The following ZDHHC17 variants were observed in gnomAD, a reference collection of about 807,000 sequenced individuals.
The protein encoded by ZDHHC17 is zDHHC palmitoyltransferase 17.
In ZDHHC17, 40 loss-of-function variants were observed where a neutral mutation model predicts 90.3. The observed-to-expected ratio is 0.44, with a 90% CI of 0.34 to 0.58. ZDHHC17 has a LOEUF of 0.58. Among genes scored for constraint, ZDHHC17 ranks in the 20% least tolerant of loss-of-function variants. The probability of loss-of-function intolerance (pLI) is 0.01; values close to 1 mark genes in which losing one functional copy is unlikely to be tolerated. For synonymous variants in ZDHHC17, 235 were observed against 252.4 expected (o/e 0.93, Z 0.65); for missense variants, 614 against 780.8 (o/e 0.79, Z 2.55).
chr12:76,847,898 C>G (rs955625737), intron 14 of ZDHHC17, among the ~76,000 whole-genome samples: 1 of 151,960 alleles, frequency 6.6e-6, no homozygotes, highest in Admixed American at 6.6e-5. Context: ...TGTTATATGC[C>G]CTCTTTCAAA....
intron 1 of ZDHHC17, among the ~76,000 whole-genome samples, chr12:76,776,082 A>T (rs868015387): frequency 2.8e-4 from 43 of 152,094 alleles, no homozygotes; most frequent in Admixed American, 8.5e-4. Flanking sequence ...TGAATAATTG[A>T]TGTAATCAAG....
chr12:76,774,747 G>A (rs1260947840), intron 1 of ZDHHC17, among the ~76,000 whole-genome samples: 1 of 151,908 alleles, frequency 6.6e-6, no homozygotes, highest in Non-Finnish European at 1.5e-5. Context: ...TACTTCTTAG[G>A]GTCCTTATGA....
At chr12:76,794,027 A>G (rs996438914) in intron 1 of ZDHHC17, among the ~76,000 whole-genome samples, 4 of 151,982 alleles carry the variant, frequency 2.6e-5, no homozygotes, top group African/African-American at 9.7e-5. Context: ...CTGGGACTAC[A>G]GGCGCCTGCC....
intron 10 of ZDHHC17, among the ~76,000 whole-genome samples, chr12:76,841,384 G>A (rs1438789002): frequency 6.6e-6 from 1 of 152,082 alleles, no homozygotes; most frequent in Non-Finnish European, 1.5e-5. Context: ...TTGCTCTAGC[G>A]ACATTGCTGT....
At chr12:76,766,206 T>A (rs1312589255) in intron 1 of ZDHHC17, among the ~76,000 whole-genome samples, 4 of 152,246 alleles carry the variant, frequency 2.6e-5, no homozygotes, top group Non-Finnish European at 4.4e-5. Context: ...GTCAACCTCC[T>A]CATCATTGAT....
intron 1 of ZDHHC17, among the ~76,000 whole-genome samples, chr12:76,778,315 G>A (rs77271756): frequency 0.14 from 21,369 of 152,110 alleles, 1,925 homozygotes; most frequent in Non-Finnish European, 0.2. Flanking sequence ...GGGTTCAAGC[G>A]ATTCTTCTAC....
rs977353414 is a variant in ZDHHC17, at chr12:76,852,681, T to G, written c.*1696T>G. ...TGTTCAGTATTTCCAAGTACCATTT[T>G]TATATAGTAGCTTATTTGACCATAA... On this transcript the variant is annotated 3_prime_UTR_variant, in exon 17 of 17. Coordinates refer to ENST00000426126, the MANE Select transcript of ZDHHC17 (RefSeq NM_015336.4). The G allele has an allele frequency of 6.6e-6, 1 of 152,634 alleles. No individual in the cohort carries two copies. Among genetic ancestry groups the G allele is most frequent in the Non-Finnish European group, 1.5e-5 (1 of 68,040 alleles). 9.5% of individuals were successfully genotyped at this position (152,634 alleles called of 1,614,324 possible).
chr12:76,771,016 T>C (rs948469548), intron 1 of ZDHHC17, among the ~76,000 whole-genome samples: 4 of 152,078 alleles, frequency 2.6e-5, no homozygotes, highest in East Asian at 3.9e-4. Context: ...ATTAAGGTTA[T>C]GTAAAATTCT....
At chr12:76,766,617 C>T (rs1200231127) in intron 1 of ZDHHC17, among the ~76,000 whole-genome samples, 2 of 152,242 alleles carry the variant, frequency 1.3e-5, no homozygotes, top group South Asian at 4.1e-4. Flanking sequence ...TTGGAGAGAA[C>T]ATAGACTTTG....
At chr12:76,847,094 AAAGT>A (rs1216823331) in intron 14 of ZDHHC17, among the ~76,000 whole-genome samples, 3 of 152,256 alleles carry the variant, frequency 2.0e-5, no homozygotes, top group African/African-American at 4.8e-5. Flanking sequence ...AATATTTTGA[AAAGT>A]AAGGTATAAT....
chr12:76,788,134 G>T (rs1332289290), intron 1 of ZDHHC17, among the ~76,000 whole-genome samples: 5 of 152,202 alleles, frequency 3.3e-5, no homozygotes, highest in African/African-American at 7.2e-5. Flanking sequence ...GGGTGGGATA[G>T]TAGGTTTTCT....
At chr12:76,804,476 C>T (rs747957069) in intron 2 of ZDHHC17, among the ~76,000 whole-genome samples, 2 of 152,100 alleles carry the variant, frequency 1.3e-5, no homozygotes, top group Non-Finnish European at 2.9e-5. Context: ...TTAAATGGTC[C>T]ATTTTCAAGG....
rs1953305967 is a variant in ZDHHC17, at chr12:76,831,873, TGG to T, written c.1141+3385_1141+3386del. Among the ~76,000 whole-genome samples, 10 of 152,106 alleles carry T rather than the reference TGG, an allele frequency of 6.6e-5. No homozygotes were observed. In the South Asian group the frequency reaches 2.1e-3, roughly 32 times the overall value. On this transcript the variant is annotated intron_variant, in intron 10 of 16. Transcript: ENST00000426126. ...GTTGCCCAGGCTAGTCTCAAACTCC[TGG>T]GCTCAAGTGGTTCTCTTGCCTCAGC...
rs544640189 is a variant in ZDHHC17, at chr12:76,786,530, A to G, written c.94-10904A>G. ...CTCGGCCTCCCAAAGTGCTGGGATT[A>G]CAGGCATGAGTCACTGTGCCTGGCC... On this transcript the variant is annotated intron_variant, in intron 1 of 16. Coordinates refer to ENST00000426126, the MANE Select transcript of ZDHHC17 (RefSeq NM_015336.4). Among the ~76,000 whole-genome samples the G allele has an allele frequency of 7.9e-5, 12 of 152,286 alleles. No homozygotes were observed. The East Asian group carries it at 1.9e-3, about 24-fold the overall frequency.
intron 1 of ZDHHC17, chr12:76,764,822 T>C (rs1165950549): frequency 4.4e-6 from 2 of 456,538 alleles, no homozygotes; most frequent in Non-Finnish European, 8.8e-6. Context: ...GGTAATGCCA[T>C]GGGTAGCACC....
intron 10 of ZDHHC17, among the ~76,000 whole-genome samples, chr12:76,840,800 T>C (rs1404322346): frequency 6.6e-6 from 1 of 152,204 alleles, no homozygotes; most frequent in African/African-American, 2.4e-5. Flanking sequence ...CTTTCAAATA[T>C]GTAGTCATAT....
chr12:76,821,273 G>A (rs1953159978), intron 7 of ZDHHC17: 1 of 419,450 alleles, frequency 2.4e-6, no homozygotes, highest in South Asian at 2.9e-5. Flanking sequence ...ATTTGTGGAA[G>A]ACTCCTAGAT....
chr12:76,841,312 T>G (rs1052287693), intron 10 of ZDHHC17, among the ~76,000 whole-genome samples: 1 of 152,242 alleles, frequency 6.6e-6, no homozygotes, highest in African/African-American at 2.4e-5. Context: ...AATACTTGTA[T>G]CTACATACAA....
chr12:76,845,664 CTTAG>C (rs765961932), intron 12 of ZDHHC17, 41 bp from the exon 13 acceptor site: 1 of 864,488 alleles, frequency 1.2e-6, no homozygotes, highest in Non-Finnish European at 1.8e-6. Flanking sequence ...GCTTTTCTCT[CTTAG>C]TATAATGCCT....
Sources: allele counts gnomAD v4.1 joint callset (sites outside exome capture counted in the v4.1 genomes callset), GRCh38; gene constraint gnomAD v4.1.1; transcripts MANE v1.5; gene names NCBI Gene and HGNC (gene_info 2026-07-23, HGNC 2026-07-21).